Variants in MTUS1 observed in about 807,000 individuals in gnomAD.
MTUS1 encodes the protein microtubule-associated tumor suppressor 1.
MTUS1 carries 109 observed loss-of-function variants against 120.8 expected under a neutral mutation model. That is an observed-to-expected ratio of 0.90 (90% CI 0.77 to 1.06). MTUS1 has a LOEUF of 1.06. MTUS1 is among the 50% of genes least tolerant of loss of function. The pLI, the probability that MTUS1 is intolerant of heterozygous loss-of-function variation, is 0.00. For synonymous variants in MTUS1, 737 were observed against 550.5 expected, an observed-to-expected ratio of 1.34 and a Z score of -4.74; for missense variants, 2,210 against 1,486.3, an observed-to-expected ratio of 1.49 and a Z score of -8.01.
chr8:17,655,893 T>G lies in MTUS1; in HGVS notation c.3078A>C (p.Ala1026=). The part of the protein sequence containing the change: ...EKLRDTYIEE[A]EKYKMQLQEQ... ...CTTGCAATTGCATTTTGTACTTCTC[T>G]GCTTCTTCAATGTAAGTGTCCCGAA... The change falls in exon 9 of 15, where the codon GCA becomes GCC. Residue 1026 remains alanine (A), a synonymous_variant. Coordinates refer to ENST00000693296, the MANE Select transcript of MTUS1 (RefSeq NM_001363059.2). 6.2e-7 allele frequency: 1 copy of G among 1,614,238 alleles called. No homozygotes were observed. Among genetic ancestry groups the G allele is most frequent in the South Asian group, 1.1e-5 (1 of 91,084 alleles).
intron 6 of MTUS1, chr8:17,704,214 C>T (rs1219580178): frequency 6.6e-6 from 1 of 152,138 alleles, no homozygotes; most frequent in Non-Finnish European, 1.5e-5. Flanking sequence ...GTATGGTTTG[C>T]AAATGTTTTC....
intron 8 of MTUS1, among the ~76,000 whole-genome samples, chr8:17,664,380 T>A (rs1810429232): frequency 6.6e-6 from 1 of 151,940 alleles, no homozygotes; most frequent in South Asian, 2.1e-4. Flanking sequence ...AAAGAGATGA[T>A]TCCATTCCCA....
chr8:17,727,331 T>G (rs1186798914), intron 3 of MTUS1, among the ~76,000 whole-genome samples: 2 of 152,206 alleles, frequency 1.3e-5, no homozygotes, highest in African/African-American at 4.8e-5. Flanking sequence ...CCAGTGACAG[T>G]AAGGCCTAGA....
intron 1 of MTUS1, among the ~76,000 whole-genome samples, chr8:17,773,126 G>C (rs1024984966): frequency 3.3e-5 from 5 of 152,186 alleles, no homozygotes; most frequent in Non-Finnish European, 5.9e-5. Flanking sequence ...TTATGCCAGA[G>C]AGGATCCAAG....
chr8:17,770,527 T>G (rs1449244408), intron 1 of MTUS1: 1 of 152,174 alleles, frequency 6.6e-6, no homozygotes, highest in Non-Finnish European at 1.5e-5. Context: ...ATGCCTTTGG[T>G]TGCACCTCAG....
At chr8:17,690,613 C>T (rs1332076397) in intron 6 of MTUS1, among the ~76,000 whole-genome samples, 1 of 152,114 alleles carries the variant, frequency 6.6e-6, no homozygotes, top group Non-Finnish European at 1.5e-5. Context: ...AAACATTAAA[C>T]ATTAGAAATA....
intron 2 of MTUS1, among the ~76,000 whole-genome samples, chr8:17,744,513 C>T (rs1363661033): frequency 2.6e-5 from 4 of 152,140 alleles, no homozygotes; most frequent in South Asian, 4.2e-4. Flanking sequence ...CTCTGCCTCC[C>T]GGGTTCAAGT....
Position 17,741,962 on chromosome 8 carries a change from C to T in MTUS1, c.2287+1642G>A, listed in dbSNP as rs146128585. Among the ~76,000 whole-genome samples the T allele has an allele frequency of 1.7e-3, 256 of 152,300 alleles. 2 individuals are homozygous for T. The highest frequency in any genetic ancestry group is 2.6e-3 in the Non-Finnish European group (174 of 68,020). ...AGAGTGGAACTAAAACACAGGGCTC[C>T]TAACTGCAGGCCAGGGGCCACACTC... On this transcript the variant is annotated intron_variant, in intron 3 of 14. Transcript: ENST00000693296.
Position 17,656,051 on chromosome 8 carries a change from T to C in MTUS1, c.2920A>G (p.Thr974Ala). 6.2e-7 allele frequency: 1 copy of C among 1,614,144 alleles called. No individual in the cohort carries two copies. The highest frequency in any genetic ancestry group is 8.5e-7 in the Non-Finnish European group (1 of 1,180,034). The change falls in exon 9 of 15, where the codon ACC becomes GCC. Residue 974 changes from threonine (T) to alanine (A), a missense_variant. Transcript: ENST00000693296. ...CTGGCTTTTTCTAATTTCTCACAGG[T>C]GGTTGAAGCAGTGACTGAAAACAGA... ...LRGELVTAST[T>A]CEKLEKARNE...
chr8:17,775,404 C>A (rs1275087330), intron 1 of MTUS1, among the ~76,000 whole-genome samples: 1 of 152,094 alleles, frequency 6.6e-6, no homozygotes, highest in East Asian at 1.9e-4. Flanking sequence ...AAACTTCAGG[C>A]TGCATCATGA....
At chr8:17,661,911 G>T (rs937022923) in intron 8 of MTUS1, among the ~76,000 whole-genome samples, 1 of 152,180 alleles carries the variant, frequency 6.6e-6, no homozygotes, top group African/African-American at 2.4e-5. Context: ...AATGGCTTTC[G>T]TTTGAAGGAA....
At chr8:17,696,153 C>CCCG (rs1225781843) in intron 6 of MTUS1, among the ~76,000 whole-genome samples, 1 of 152,100 alleles carries the variant, frequency 6.6e-6, no homozygotes, top group Non-Finnish European at 1.5e-5. Context: ...CCACTGCTGA[C>CCCG]CTCCTCCTCG....
At chr8:17,736,075 A>G (rs184926366) in intron 3 of MTUS1, among the ~76,000 whole-genome samples, 2 of 152,178 alleles carry the variant, frequency 1.3e-5, no homozygotes, top group Admixed American at 6.5e-5. Context: ...AATCTAGTAC[A>G]CTGCCCAACA....
intron 4 of MTUS1, chr8:17,721,712 T>C: frequency 6.5e-7 from 1 of 1,549,304 alleles, no homozygotes; most frequent in Non-Finnish European, 8.7e-7. Flanking sequence ...GTCGACCTAC[T>C]TTTTTTCCCA....
chr8:17,784,523 A>G (rs12549697), intron 1 of MTUS1, among the ~76,000 whole-genome samples: 110,861 of 151,872 alleles, frequency 0.73, 42,053 homozygotes, highest in Non-Finnish European at 0.85. Context: ...TTGAACTCCT[A>G]ATCTCAGGTG....
At chr8:17,698,110 G>A (rs575510786) in intron 6 of MTUS1, among the ~76,000 whole-genome samples, 1 of 152,150 alleles carries the variant, frequency 6.6e-6, no homozygotes, top group South Asian at 2.1e-4. Context: ...CACATGCTGA[G>A]GACCTCACAA....
chr8:17,738,865 G>A (rs907187257), intron 3 of MTUS1, among the ~76,000 whole-genome samples: 1 of 152,064 alleles, frequency 6.6e-6, no homozygotes, highest in African/African-American at 2.4e-5. Flanking sequence ...TTAGCCTGGT[G>A]TGGTGGTTCA....
At position 17,695,521 on chromosome 8, in the gene MTUS1, T is replaced by C. The variant is rs143314958; in HGVS notation, c.2624-10979A>G. 1.5e-3 allele frequency among the ~76,000 whole-genome samples: 225 copies of C among 152,322 alleles called. 1 individual carries two copies. The highest frequency in any genetic ancestry group is 5.2e-3 in the African/African-American group (216 of 41,566). On this transcript the variant is annotated intron_variant, in intron 6 of 14. Transcript: ENST00000693296. ...TTTTACGTAAGTTTAGAAAATAAAA[T>C]GTGTCCAATACATCACTATCAACTA... is the stretch of plus-strand genomic sequence containing the variant.
At chr8:17,710,712 C>G (rs113159191) in intron 6 of MTUS1, among the ~76,000 whole-genome samples, 6 of 152,298 alleles carry the variant, frequency 3.9e-5, no homozygotes, top group African/African-American at 1.4e-4. Context: ...AGGTTTTCAA[C>G]TGACTTTGCC....
Sources: allele counts gnomAD v4.1 joint callset (sites outside exome capture counted in the v4.1 genomes callset), GRCh38; gene constraint gnomAD v4.1.1; transcripts MANE v1.5; gene names NCBI Gene and HGNC (gene_info 2026-07-23, HGNC 2026-07-21).